AKR1E2: variants seen among roughly 807,000 people sequenced by gnomAD.
The protein encoded by AKR1E2 is 1,5-anhydro-D-fructose reductase.
In AKR1E2, 43 loss-of-function variants were observed where a neutral mutation model predicts 41.9. The observed-to-expected ratio is 1.03, with a 90% CI of 0.80 to 1.32. AKR1E2 has a LOEUF of 1.32. Among genes scored for constraint, AKR1E2 ranks in the 40% most tolerant of loss-of-function variants. The pLI is 0.00. For missense variants in AKR1E2, 423 were observed against 396.5 expected, an observed-to-expected ratio of 1.07 and a Z score of -0.57; for synonymous variants, 121 against 138.9, an observed-to-expected ratio of 0.87 and a Z score of 0.91.
At position 4,843,848 on chromosome 10, in the gene AKR1E2, G is replaced by A. The variant is rs117279109; in HGVS notation, c.837+1344G>A. On this transcript the variant is annotated intron_variant, in intron 8 of 9. Coordinates refer to ENST00000298375, the MANE Select transcript of AKR1E2 (RefSeq NM_001040177.3). ...GCCCTTCTCCTCTCCTTTCTCAGGC[G>A]TCCTGCTCTTTGAATGGCCCAGAGC... Among the ~76,000 whole-genome samples, 1,120 of 152,298 alleles carry A rather than the reference G, an allele frequency of 7.4e-3. 12 individuals are homozygous for A. The highest frequency in any genetic ancestry group is 8.4e-3 in the Non-Finnish European group (573 of 68,022).
intron 8 of AKR1E2, among the ~76,000 whole-genome samples, chr10:4,843,799 G>T (rs960882484): frequency 3.3e-5 from 5 of 152,240 alleles, no homozygotes; most frequent in Admixed American, 6.5e-5. Context: ...CCGGGCCCTT[G>T]TCCAGCTCAC....
chr10:4,827,746 T>G (rs186672413), intron 1 of AKR1E2, among the ~76,000 whole-genome samples: 10 of 152,324 alleles, frequency 6.6e-5, no homozygotes, highest in South Asian at 2.1e-4. Flanking sequence ...TACCAACTCT[T>G]AGAGGCTAGG....
intron 1 of AKR1E2, among the ~76,000 whole-genome samples, chr10:4,829,706 T>C (rs947630097): frequency 6.6e-6 from 1 of 152,180 alleles, no homozygotes; most frequent in African/African-American, 2.4e-5. Flanking sequence ...GTTATTGACA[T>C]ATAGTTATTG....
the AKR1E2 span, among the ~76,000 whole-genome samples, chr10:4,866,645 G>GTT: frequency 1.0e-4 from 12 of 119,206 alleles, no homozygotes; most frequent in South Asian, 2.8e-3. Context: ...TTTTGTTTTT[G>GTT]TTTTTTTTTT....
the AKR1E2 span, among the ~76,000 whole-genome samples, chr10:4,859,361 C>T: frequency 6.6e-5 from 10 of 152,230 alleles, no homozygotes; most frequent in African/African-American, 9.6e-5. Flanking sequence ...CGACTACATT[C>T]GGTACCAGAG....
At chr10:4,842,337 A>G (rs1291987103) in intron 7 of AKR1E2, 84 bp from the exon 8 acceptor site, 1 of 1,215,896 alleles carries the variant, frequency 8.2e-7, no homozygotes, top group East Asian at 2.3e-5. Context: ...CTCTTACTGC[A>G]TGATAAAACT....
chr10:4,860,977 G>T, the AKR1E2 span, among the ~76,000 whole-genome samples: 1 of 152,106 alleles, frequency 6.6e-6, no homozygotes, highest in Non-Finnish European at 1.5e-5. Context: ...TCATGGTATG[G>T]TTTTCTCAGT....
At chr10:4,860,968 C>T in the AKR1E2 span, among the ~76,000 whole-genome samples, 1 of 152,146 alleles carries the variant, frequency 6.6e-6, no homozygotes, top group East Asian at 1.9e-4. Flanking sequence ...CTTCATAAAT[C>T]ATGGTATGGT....
the AKR1E2 span, among the ~76,000 whole-genome samples, chr10:4,854,457 G>A: frequency 1.3e-5 from 2 of 152,038 alleles, no homozygotes; most frequent in Admixed American, 6.6e-5. Context: ...GAATTCACTC[G>A]TGCGAGATCT....
intron 1 of AKR1E2, among the ~76,000 whole-genome samples, chr10:4,827,891 A>G (rs538092351): frequency 1.3e-5 from 2 of 152,212 alleles, no homozygotes; most frequent in Non-Finnish European, 2.9e-5. Flanking sequence ...AATTTGGTGC[A>G]GGAGTCCAGA....
At chr10:4,833,235 G>T in intron 2 of AKR1E2, 115 bp from the exon 3 acceptor site, 1 of 774,970 alleles carries the variant, frequency 1.3e-6, no homozygotes, top group South Asian at 1.5e-5. Flanking sequence ...TTGTATTTGT[G>T]GTCATCTCAT....
At chr10:4,857,968 G>C in the AKR1E2 span, among the ~76,000 whole-genome samples, 2 of 151,800 alleles carry the variant, frequency 1.3e-5, no homozygotes, top group Non-Finnish European at 2.9e-5. Flanking sequence ...TTCTACCTTT[G>C]TAAATATTTT....
the AKR1E2 span, among the ~76,000 whole-genome samples, chr10:4,860,008 C>G: frequency 6.6e-6 from 1 of 152,136 alleles, no homozygotes; most frequent in Non-Finnish European, 1.5e-5. Flanking sequence ...TGAGGCAGGG[C>G]CCTTGTGTCT....
At chr10:4,825,509 C>T (rs975667897), upstream of AKR1E2, among the ~76,000 whole-genome samples, 3 of 152,264 alleles carry the variant, frequency 2.0e-5, no homozygotes, top group Non-Finnish European at 4.4e-5. Flanking sequence ...CAAGCAAGGA[C>T]GCTCCCCTCT....
chr10:4,870,674 G>T, the AKR1E2 span, among the ~76,000 whole-genome samples: 16 of 150,914 alleles, frequency 1.1e-4, no homozygotes, highest in Non-Finnish European at 1.8e-4. Flanking sequence ...TTTTCTATAG[G>T]TTAGGTGACA....
chr10:4,825,926 G>T (rs990821820), upstream of AKR1E2, among the ~76,000 whole-genome samples: 1 of 151,600 alleles, frequency 6.6e-6, no homozygotes, highest in Non-Finnish European at 1.5e-5. Flanking sequence ...TCACACCTAA[G>T]GTGGGGGCGT....
At chr10:4,835,309 A>T (rs1251625573) in intron 3 of AKR1E2, among the ~76,000 whole-genome samples, 1 of 152,210 alleles carries the variant, frequency 6.6e-6, no homozygotes, top group African/African-American at 2.4e-5. Flanking sequence ...GAGTTAGGAG[A>T]GGGTTGATTG....
In AKR1E2 at chr10:4,847,917, G is replaced by A. The variant is rs772757333; in HGVS notation, c.*387G>A. Reference sequence around the variant, plus strand: ...CCCATTGTGCCCCAGGCCAGCCCGCGTCACCTACACTTCCTTCTGTGCCCT... The same window carrying A: ...CCCATTGTGCCCCAGGCCAGCCCGCATCACCTACACTTCCTTCTGTGCCCT... On this transcript the variant is annotated 3_prime_UTR_variant, in exon 10 of 10. Transcript: ENST00000298375. 9.1e-5 allele frequency: 17 copies of A among 185,848 alleles called. No homozygotes were observed. The highest frequency in any genetic ancestry group is 1.6e-4 in the South Asian group (1 of 6,078). The allele number at this position is 185,848 out of a possible 1,614,324, so 11.5% of individuals were successfully genotyped here.
intron 6 of AKR1E2, 134 bp downstream of exon 6, chr10:4,839,960 G>A: frequency 3.8e-6 from 3 of 799,968 alleles, no homozygotes; most frequent in Non-Finnish European, 2.1e-6. Flanking sequence ...ACTATAGGGG[G>A]CTGTCCACAC....
Sources: gnomAD v4.1 joint callset for allele counts (sites outside exome capture counted in the v4.1 genomes callset) on GRCh38, gnomAD v4.1.1 for gene constraint, MANE v1.5 for transcripts, NCBI Gene and HGNC (gene_info 2026-07-23, HGNC 2026-07-21) for gene names.